DYNC2I1: variants seen among roughly 807,000 people sequenced by gnomAD.
DYNC2I1 encodes the protein cytoplasmic dynein 2 intermediate chain 1.
Under a neutral mutation model 133.4 loss-of-function variants are expected in DYNC2I1, and 89 were observed. The observed-to-expected ratio is 0.67, with a 90% CI of 0.56 to 0.80. DYNC2I1 has a LOEUF of 0.80. DYNC2I1 is among the 30% of genes least tolerant of loss of function. The pLI is 0.00. For missense variants in DYNC2I1, 1,291 were observed against 1,314.5 expected (o/e 0.98, Z 0.28); for synonymous variants, 504 against 484.3 (o/e 1.04, Z -0.54).
chr7:158,889,442 C>T lies in DYNC2I1; in HGVS notation c.991-1823C>T, dbSNP rs182161255. Among the ~76,000 whole-genome samples, 30 of 152,040 alleles carry T rather than the reference C, an allele frequency of 2.0e-4. 1 individual carries two copies. In the East Asian group the frequency reaches 3.5e-3, roughly 18 times the overall value. On this transcript the variant is annotated intron_variant, in intron 7 of 24. Transcript: ENST00000407559. ...TCCAGTTTGGACGATATAGATCTAC[C>T]GCATTTTTTTTGTGGATACATTTCT... is the stretch of plus-strand genomic sequence containing the variant.
intron 4 of DYNC2I1, among the ~76,000 whole-genome samples, chr7:158,879,230 G>A (rs1164744850): frequency 6.6e-6 from 1 of 152,122 alleles, no homozygotes; most frequent in Non-Finnish European, 1.5e-5. Context: ...ATATCTGACA[G>A]TGGAATTGAG....
intron 1 of DYNC2I1, among the ~76,000 whole-genome samples, chr7:158,861,676 A>G (rs1047594174): frequency 2.0e-5 from 3 of 152,190 alleles, no homozygotes; most frequent in Admixed American, 1.3e-4. Flanking sequence ...ATACATGCAT[A>G]CCGAAAACAC....
At chr7:158,889,692 AAACAAC>A (rs149391972) in intron 7 of DYNC2I1, among the ~76,000 whole-genome samples, 2 of 151,876 alleles carry the variant, frequency 1.3e-5, no homozygotes, top group African/African-American at 4.8e-5. Context: ...ATCTATATAA[AAACAAC>A]AACAACAACA....
In DYNC2I1 at chr7:158,914,213, A is replaced by G. The variant is rs1430030643; in HGVS notation, c.1703-20A>G. 6.3e-7 allele frequency: 1 copy of G among 1,595,128 alleles called. No individual in the cohort carries two copies. Among genetic ancestry groups the G allele is most frequent in the Non-Finnish European group, 8.6e-7 (1 of 1,169,170 alleles). On this transcript the variant is annotated intron_variant, in intron 13 of 24. Transcript: ENST00000407559. ...TTTTAGAGTCGACTTCGTTGATTTTATATAAACTGTTTTTTTTAGGCAGTG... is the reference window on the plus strand; with the variant it reads ...TTTTAGAGTCGACTTCGTTGATTTTGTATAAACTGTTTTTTTTAGGCAGTG...
In DYNC2I1 at chr7:158,871,556, C is replaced by T. The variant is rs759781848; in HGVS notation, c.484C>T (p.Arg162Cys). The change falls in exon 3 of 25, where the codon CGC becomes TGC. Residue 162 changes from arginine (R) to cysteine (C), a missense_variant. Physicochemically the swap from Arg to Cys is radical, Grantham distance 180. Coordinates refer to ENST00000407559, the MANE Select transcript of DYNC2I1 (RefSeq NM_018051.5). The part of the protein sequence containing the change: ...QLLERAERKG[R>C]SVSKVRSEEK... ...CCTGGAGCGGGCGGAGAGGAAAGGC[C>T]GCTCAGGTGGGTCCCCGCTTGCCTT... The T allele has an allele frequency of 1.8e-5, 28 of 1,533,800 alleles. No individual in the cohort carries two copies. The highest frequency in any genetic ancestry group is 1.4e-4 in the African/African-American group (10 of 72,342).
At chr7:158,896,985 CTT>C (rs1259230058) in intron 8 of DYNC2I1, among the ~76,000 whole-genome samples, 24 of 131,164 alleles carry the variant, frequency 1.8e-4, no homozygotes, top group Admixed American at 3.9e-4. Flanking sequence ...TGTATAATTT[CTT>C]TTTTTTTTTT....
chr7:158,928,235 C>G (rs1231667405), intron 20 of DYNC2I1, among the ~76,000 whole-genome samples: 1 of 151,216 alleles, frequency 6.6e-6, no homozygotes. Context: ...GTAATTCAGT[C>G]CTGTTGTGTT....
At chr7:158,863,172 G>T (rs940082295) in intron 1 of DYNC2I1, among the ~76,000 whole-genome samples, 3 of 151,998 alleles carry the variant, frequency 2.0e-5, no homozygotes, top group Non-Finnish European at 4.4e-5. Flanking sequence ...TGCCCACATC[G>T]TGGTGCGTTT....
chr7:158,872,667 C>G (rs1038113880), intron 3 of DYNC2I1, among the ~76,000 whole-genome samples: 2 of 150,700 alleles, frequency 1.3e-5, no homozygotes, highest in Non-Finnish European at 3.0e-5. Flanking sequence ...AAAGGAATAA[C>G]AATTTTCTCA....
At chr7:158,912,659 C>T (rs1304592138) in intron 12 of DYNC2I1, among the ~76,000 whole-genome samples, 2 of 152,142 alleles carry the variant, frequency 1.3e-5, no homozygotes, top group Non-Finnish European at 2.9e-5. Flanking sequence ...AGTAACAAAA[C>T]TGATTTCACT....
chr7:158,852,894 G>T (rs1841089997), upstream of DYNC2I1, among the ~76,000 whole-genome samples: 1 of 152,224 alleles, frequency 6.6e-6, no homozygotes, highest in African/African-American at 2.4e-5. Flanking sequence ...CTATAAGTCT[G>T]TAACTAAAAC....
At chr7:158,841,595 T>C in the DYNC2I1 span, among the ~76,000 whole-genome samples, 1 of 152,152 alleles carries the variant, frequency 6.6e-6, no homozygotes, top group Non-Finnish European at 1.5e-5. Flanking sequence ...TGTCACCTAG[T>C]GAATAAATAA....
chr7:158,950,147 T>C (rs1852012014), downstream of DYNC2I1, among the ~76,000 whole-genome samples: 1 of 152,200 alleles, frequency 6.6e-6, no homozygotes, highest in African/African-American at 2.4e-5. Flanking sequence ...CACTGCAGCC[T>C]CTGCCTCCCA....
intron 20 of DYNC2I1, 30 bp downstream of exon 20, chr7:158,927,073 G>A: frequency 6.0e-6 from 9 of 1,502,908 alleles, no homozygotes; most frequent in Non-Finnish European, 8.2e-6. Context: ...ATTAATTTTA[G>A]TGTTTTCTAA....
Position 158,926,985 on chromosome 7 carries a change from T to G in DYNC2I1, c.2434-7T>G. The G allele has an allele frequency of 6.3e-7, 1 of 1,594,774 alleles. No individual in the cohort carries two copies. The highest frequency in any genetic ancestry group is 1.1e-5 in the South Asian group (1 of 88,710). On this transcript the variant is annotated splice_polypyrimidine_tract_variant and splice_region_variant and intron_variant, in intron 19 of 24. Coordinates refer to ENST00000407559, the MANE Select transcript of DYNC2I1 (RefSeq NM_018051.5). Reference sequence around the variant, plus strand: ...ATCAATATTCATTTTCAATATTCTGTTTTTAGGTGGTTGTTGAATTACCAA... The same window carrying G: ...ATCAATATTCATTTTCAATATTCTGGTTTTAGGTGGTTGTTGAATTACCAA...
intron 5 of DYNC2I1, 73 bp from the exon 6 acceptor site, chr7:158,884,491 G>T: frequency 1.4e-6 from 2 of 1,406,564 alleles, no homozygotes; most frequent in East Asian, 2.5e-5. Flanking sequence ...TTGTTTTGTG[G>T]GGTTTACTAA....
At position 158,945,290 on chromosome 7, in the gene DYNC2I1, GC is replaced by G. The variant is rs979331950; in HGVS notation, c.3003-286del. ...GATGGGCCTGCCTGTGCTGCTGATG[GC>G]CCCCACCTTCTCCAGGGACCTGCTG... On this transcript the variant is annotated intron_variant, in intron 24 of 24. Coordinates refer to ENST00000407559, the MANE Select transcript of DYNC2I1 (RefSeq NM_018051.5). The surrounding 1 kb of genome is among the most constrained non-coding windows in gnomAD (Gnocchi z 4.1). Among the ~76,000 whole-genome samples the G allele has an allele frequency of 2.0e-5, 3 of 152,074 alleles. No individual in the cohort carries two copies. Among genetic ancestry groups the G allele is most frequent in the African/African-American group, 7.2e-5 (3 of 41,412 alleles).
In DYNC2I1 at chr7:158,906,093, T is replaced by A. The variant is rs756253047; in HGVS notation, c.1460+2T>A. The A allele has an allele frequency of 1.9e-6, 3 of 1,612,732 alleles. No homozygotes were observed. The highest frequency in any genetic ancestry group is 2.5e-6 in the Non-Finnish European group (3 of 1,179,040). On this transcript the variant is annotated splice_donor_variant, in intron 11 of 24. Coordinates refer to ENST00000407559, the MANE Select transcript of DYNC2I1 (RefSeq NM_018051.5). LOFTEE classifies it high-confidence loss of function. Reference sequence around the variant, plus strand: ...TCGGACTCAGGCCCTTAAGCAAAAGTAGGTGTATTGGGAAAGCAGCCAAAG... The same window carrying A: ...TCGGACTCAGGCCCTTAAGCAAAAGAAGGTGTATTGGGAAAGCAGCCAAAG...
At position 158,917,435 on chromosome 7, in the gene DYNC2I1, G is replaced by A. The variant is rs369161713; in HGVS notation, c.1792-1305G>A. 8.4e-3 allele frequency among the ~76,000 whole-genome samples: 306 copies of A among 36,330 alleles called. 33 individuals carry two copies. The highest frequency in any genetic ancestry group is 0.017 in the Middle Eastern group (1 of 58). 23.8% of individuals were successfully genotyped at this position (36,330 alleles called of 152,430 possible). Reference sequence around the variant, plus strand: ...TCCTGTCCTCCACACTCCACCCTCCGCCTCTCGCTAAACACCTCCTGTCCT... The same window carrying A: ...TCCTGTCCTCCACACTCCACCCTCCACCTCTCGCTAAACACCTCCTGTCCT... On this transcript the variant is annotated intron_variant, in intron 14 of 24. Transcript: ENST00000407559.
Sources: gnomAD v4.1 joint callset for allele counts (sites outside exome capture counted in the v4.1 genomes callset) on GRCh38, gnomAD v4.1.1 for gene constraint, Gnocchi (gnomAD v3.1) non-coding constraint, MANE v1.5 for transcripts, NCBI Gene and HGNC (gene_info 2026-07-23, HGNC 2026-07-21) for gene names.